The following DLGAP2 variants were observed in gnomAD, a reference collection of about 807,000 sequenced individuals.
The protein encoded by DLGAP2 is DLG associated protein 2.
Under a neutral mutation model 100.3 loss-of-function variants are expected in DLGAP2, and 26 were observed. The ratio of observed to expected loss-of-function variants is 0.26; its 90% CI spans 0.19 to 0.36. The LOEUF (loss-of-function observed/expected upper bound fraction) is 0.36, where lower values mean the gene tolerates loss of function less well. DLGAP2 is among the 10% of genes least tolerant of loss of function. The pLI is 1.00. For synonymous variants in DLGAP2, 886 were observed against 630.1 expected, an observed-to-expected ratio of 1.41 and a Z score of -6.08; for missense variants, 1,858 against 1,453.2, an observed-to-expected ratio of 1.28 and a Z score of -4.53.
At chr8:760,458 AAG>A (rs1387750549) in intron 1 of DLGAP2, among the ~76,000 whole-genome samples, 1 of 151,964 alleles carries the variant, frequency 6.6e-6, no homozygotes, top group Non-Finnish European at 1.5e-5. Context: ...TAATTTCCTA[AAG>A]TTTCTCATCT....
chr8:753,093 A>G (rs530531604), intron 1 of DLGAP2, among the ~76,000 whole-genome samples: 68 of 152,304 alleles, frequency 4.5e-4, no homozygotes, highest in Non-Finnish European at 8.2e-4. Flanking sequence ...CAAACCTGCA[A>G]CCAGAGGTGT....
At chr8:1,096,050 G>T (rs576964992) in intron 2 of DLGAP2, among the ~76,000 whole-genome samples, 8 of 152,296 alleles carry the variant, frequency 5.3e-5, no homozygotes, top group African/African-American at 1.9e-4. Flanking sequence ...TGTAAACATT[G>T]TTCAAAACGT....
chr8:1,357,138 G>A (rs932533979), intron 3 of DLGAP2, among the ~76,000 whole-genome samples: 21 of 152,102 alleles, frequency 1.4e-4, no homozygotes, highest in Admixed American at 9.2e-4. Context: ...TGCAGAAGAC[G>A]TGTGCTCTTC....
At chr8:1,672,620 C>T (rs565811225) in intron 10 of DLGAP2, among the ~76,000 whole-genome samples, 10 of 152,358 alleles carry the variant, frequency 6.6e-5, no homozygotes, top group East Asian at 5.8e-4. Context: ...TCTGAATGTC[C>T]TGCCTGTGAT....
chr8:1,357,490 G>A (rs1801882856), intron 3 of DLGAP2, among the ~76,000 whole-genome samples: 1 of 148,418 alleles, frequency 6.7e-6, no homozygotes, highest in Admixed American at 6.8e-5. Flanking sequence ...TATTCCTATT[G>A]CTGGTGAGTG....
At chr8:1,530,005 A>C (rs1800935736) in intron 4 of DLGAP2, among the ~76,000 whole-genome samples, 1 of 152,256 alleles carries the variant, frequency 6.6e-6, no homozygotes, top group Non-Finnish European at 1.5e-5. Flanking sequence ...AGGCAGGGTG[A>C]GATCACAGGA....
rs112951463 is a variant in DLGAP2 at position 1,449,910 on chromosome 8, C to T, written c.107-51456C>T. ...TGAGGCGGAGCTGTGAGGGTGAAGA[C>T]GAGGTGGGCGGCCTCGGTGGCTGAG... On this transcript the variant is annotated intron_variant, in intron 3 of 14. Coordinates refer to ENST00000637795, the MANE Select transcript of DLGAP2 (RefSeq NM_001346810.2). Among the ~76,000 whole-genome samples the T allele has an allele frequency of 2.2e-3, 229 of 105,866 alleles. 1 individual carries two copies. Among genetic ancestry groups the T allele is most frequent in the African/African-American group, 8.2e-3 (214 of 26,060 alleles). The allele number at this position is 105,866 out of a possible 152,430, so 69.5% of individuals were successfully genotyped here. A position where few individuals can be genotyped will look rare whatever the true frequency, so the allele number is the denominator to read the frequency against.
chr8:843,306 C>T (rs1245866992), intron 1 of DLGAP2, among the ~76,000 whole-genome samples: 4 of 152,200 alleles, frequency 2.6e-5, no homozygotes, highest in African/African-American at 4.8e-5. Context: ...GTTTTATTGA[C>T]GTGTTTTTCC....
chr8:1,010,896 G>C (rs555162563), intron 2 of DLGAP2, among the ~76,000 whole-genome samples: 2 of 149,718 alleles, frequency 1.3e-5, no homozygotes, highest in Admixed American at 1.3e-4. Flanking sequence ...CAGGCGAGGG[G>C]CCCCTCAGTC....
chr8:1,142,839 A>G (rs1017874531), intron 2 of DLGAP2, among the ~76,000 whole-genome samples: 3 of 152,090 alleles, frequency 2.0e-5, no homozygotes, highest in African/African-American at 7.2e-5. Context: ...CGGGAGGAGG[A>G]GATGCTGGGA....
At chr8:1,473,219 C>G (rs1221196042) in intron 3 of DLGAP2, among the ~76,000 whole-genome samples, 2 of 152,228 alleles carry the variant, frequency 1.3e-5, no homozygotes, top group African/African-American at 2.4e-5. Context: ...TCGTGAGCCA[C>G]CGTGCCCAGC....
chr8:822,327 C>G (rs1401541459), intron 1 of DLGAP2: 2 of 398,530 alleles, frequency 5.0e-6, no homozygotes, highest in Non-Finnish European at 8.8e-6. Flanking sequence ...TGGCCAGGCT[C>G]AGGCTACCTG....
chr8:1,584,260 C>CTGTTTATGTACTTA (rs1225768038), intron 6 of DLGAP2, among the ~76,000 whole-genome samples: 4 of 152,156 alleles, frequency 2.6e-5, no homozygotes, highest in Non-Finnish European at 5.9e-5. Context: ...TAAAGTAATC[C>CTGTTTATGTACTTA]TGTTTAGAGC....
intron 1 of DLGAP2, among the ~76,000 whole-genome samples, chr8:789,126 C>G (rs1053599738): frequency 2.6e-5 from 4 of 152,312 alleles, no homozygotes; most frequent in South Asian, 2.1e-4. Flanking sequence ...AATATTTTCT[C>G]CCTGTCTAGA....
intron 2 of DLGAP2, among the ~76,000 whole-genome samples, chr8:1,199,932 A>G (rs1007199315): frequency 1.4e-5 from 2 of 138,126 alleles, no homozygotes; most frequent in African/African-American, 5.5e-5. Flanking sequence ...ACGAGGTGGA[A>G]GGATTCCCCC....
intron 3 of DLGAP2, among the ~76,000 whole-genome samples, chr8:1,454,917 C>T (rs987971293): frequency 3.3e-5 from 5 of 152,134 alleles, no homozygotes; most frequent in Non-Finnish European, 7.3e-5. Context: ...ATGGCCAGGA[C>T]AGGAAGAACA....
At chr8:1,658,941 C>G (rs910605148) in intron 8 of DLGAP2, among the ~76,000 whole-genome samples, 1 of 152,120 alleles carries the variant, frequency 6.6e-6, no homozygotes, top group African/African-American at 2.4e-5. Flanking sequence ...AATTTTAGAT[C>G]TTTTCTGCTT....
At chr8:1,387,895 G>C (rs563811591) in intron 3 of DLGAP2, among the ~76,000 whole-genome samples, 1 of 152,210 alleles carries the variant, frequency 6.6e-6, no homozygotes, top group South Asian at 2.1e-4. Context: ...GAGATGTCCT[G>C]TGAGTAGGTT....
chr8:851,013 A>T (rs766013399), intron 1 of DLGAP2, among the ~76,000 whole-genome samples: 15 of 152,212 alleles, frequency 9.9e-5, no homozygotes, highest in Non-Finnish European at 7.3e-5. Context: ...GACGCAGCAA[A>T]AGATGAAAGA....
Sources: gnomAD v4.1 joint callset for allele counts (sites outside exome capture counted in the v4.1 genomes callset) on GRCh38, gnomAD v4.1.1 for gene constraint, MANE v1.5 for transcripts, NCBI Gene and HGNC (gene_info 2026-07-23, HGNC 2026-07-21) for gene names.